The following EYS variants were observed in gnomAD, a reference collection of about 807,000 sequenced individuals.
EYS encodes EGF-like photoreceptor maintenance factor.
A neutral mutation model predicts 282.1 loss-of-function variants in EYS; 250 were observed. The observed-to-expected ratio is 0.89, with a 90% CI of 0.80 to 0.98. EYS has a LOEUF of 0.98. Among genes scored for constraint, EYS ranks in the 50% least tolerant of loss-of-function variants. EYS has a pLI of 0.00. For missense variants in EYS, 4,016 were observed against 3,709.0 expected, an observed-to-expected ratio of 1.08 and a Z score of -2.15; for synonymous variants, 1,355 against 1,282.9, an observed-to-expected ratio of 1.06 and a Z score of -1.20.
intron 12 of EYS, among the ~76,000 whole-genome samples, chr6:65,145,513 G>GA (rs369522895): frequency 2.9e-4 from 41 of 142,720 alleles, no homozygotes; most frequent in East Asian, 2.7e-3. Context: ...TATGTAAGAG[G>GA]AAAAAAAAAA....
chr6:64,809,981 G>A (rs1375526170), intron 22 of EYS, among the ~76,000 whole-genome samples: 1 of 151,928 alleles, frequency 6.6e-6, no homozygotes, highest in East Asian at 1.9e-4. Context: ...TGTTGAAAAT[G>A]TTGAAATTTT....
intron 11 of EYS, chr6:65,300,729 A>G (rs1768796493): frequency 6.6e-6 from 1 of 152,200 alleles, no homozygotes. Flanking sequence ...TTTGTTTAAG[A>G]ACTCTCTAAT....
At chr6:63,969,782 A>T (rs1766469208) in intron 35 of EYS, among the ~76,000 whole-genome samples, 2 of 152,244 alleles carry the variant, frequency 1.3e-5, no homozygotes, top group Non-Finnish European at 2.9e-5. Flanking sequence ...GTTCAAGATG[A>T]CAATGAGGAG....
chr6:65,152,039 C>T (rs1319428118), intron 12 of EYS, among the ~76,000 whole-genome samples: 1 of 151,894 alleles, frequency 6.6e-6, no homozygotes, highest in African/African-American at 2.4e-5. Flanking sequence ...ATATAAGATA[C>T]TTGTATTACT....
At position 65,666,824 on chromosome 6, in the gene EYS, A is replaced by T. The variant is rs1768216309; in HGVS notation, c.-447-26932T>A. 2.0e-5 allele frequency among the ~76,000 whole-genome samples: 3 copies of T among 151,400 alleles called. No homozygotes were observed. In the South Asian group the frequency reaches 6.2e-4, roughly 31 times the overall value. On this transcript the variant is annotated intron_variant, in intron 1 of 42. Coordinates refer to ENST00000503581, the MANE Select transcript of EYS (RefSeq NM_001142800.2). Reference sequence around the variant, plus strand: ...GTTCTTTATCTGTTATTTGTATTTCATTTTATTAAGCTAAGAAAGATTAAG... The same window carrying T: ...GTTCTTTATCTGTTATTTGTATTTCTTTTTATTAAGCTAAGAAAGATTAAG...
intron 22 of EYS, among the ~76,000 whole-genome samples, chr6:64,636,172 C>A (rs1466214881): frequency 6.6e-6 from 1 of 152,176 alleles, no homozygotes; most frequent in African/African-American, 2.4e-5. Flanking sequence ...AAGCATCACG[C>A]TACCTGACTT....
chr6:64,245,794 G>A (rs1766992575), intron 30 of EYS, among the ~76,000 whole-genome samples: 2 of 151,996 alleles, frequency 1.3e-5, no homozygotes, highest in Admixed American at 6.6e-5. Flanking sequence ...CATCTCTTGA[G>A]GAAAATTCCA....
intron 22 of EYS, among the ~76,000 whole-genome samples, chr6:64,775,741 T>G (rs1314144157): frequency 6.6e-6 from 1 of 152,140 alleles, no homozygotes; most frequent in African/African-American, 2.4e-5. Context: ...ATATCATTTT[T>G]GTTTTTATTT....
At chr6:63,801,122 T>C (rs994494508) in intron 37 of EYS, among the ~76,000 whole-genome samples, 1 of 152,110 alleles carries the variant, frequency 6.6e-6, no homozygotes, top group Non-Finnish European at 1.5e-5. Flanking sequence ...AGCTAAGAAA[T>C]GTTTGGACTT....
At chr6:65,569,753 A>T (rs1281661113) in intron 2 of EYS, among the ~76,000 whole-genome samples, 1 of 152,090 alleles carries the variant, frequency 6.6e-6, no homozygotes, top group Non-Finnish European at 1.5e-5. Flanking sequence ...CAACCCGACC[A>T]ATCAGCAATG....
At chr6:65,678,940 C>T (rs762601760) in intron 1 of EYS, among the ~76,000 whole-genome samples, 50 of 151,276 alleles carry the variant, frequency 3.3e-4, no homozygotes, top group Middle Eastern at 3.4e-3. Context: ...AGATGGCCGA[C>T]ATCAAAACAA....
At chr6:64,185,340 C>A (rs936136040) in intron 31 of EYS, among the ~76,000 whole-genome samples, 4 of 150,784 alleles carry the variant, frequency 2.7e-5, no homozygotes, top group Non-Finnish European at 5.9e-5. Context: ...AATAAAAAAG[C>A]TTTATCAGAA....
chr6:65,248,380 C>T (rs1264219453), intron 12 of EYS, among the ~76,000 whole-genome samples: 1 of 151,936 alleles, frequency 6.6e-6, no homozygotes, highest in East Asian at 1.9e-4. Context: ...GCAGACCTGT[C>T]AGGAAGAGGA....
At chr6:64,843,072 G>C (rs1357518539) in intron 19 of EYS, among the ~76,000 whole-genome samples, 2 of 152,168 alleles carry the variant, frequency 1.3e-5, no homozygotes, top group Admixed American at 1.3e-4. Flanking sequence ...CATGGGCTGG[G>C]CCCAGGGTCT....
chr6:65,499,327 G>C (rs977520823), intron 2 of EYS, among the ~76,000 whole-genome samples: 1 of 151,948 alleles, frequency 6.6e-6, no homozygotes, highest in African/African-American at 2.4e-5. Flanking sequence ...CATTATAATA[G>C]TTGGCATATA....
chr6:64,515,716 TA>T (rs1466102795), intron 26 of EYS, among the ~76,000 whole-genome samples: 1 of 151,630 alleles, frequency 6.6e-6, no homozygotes, highest in Non-Finnish European at 1.5e-5. Context: ...TGTTAATTAC[TA>T]AATTTCCACT....
chr6:65,381,418 T>G (rs912763991), intron 8 of EYS, among the ~76,000 whole-genome samples: 122 of 151,498 alleles, frequency 8.1e-4, no homozygotes, highest in African/African-American at 2.9e-3. Flanking sequence ...TTGAACAGTG[T>G]GAACACATGG....
chr6:65,175,994 A>G (rs1450143590), intron 12 of EYS, among the ~76,000 whole-genome samples: 2 of 151,558 alleles, frequency 1.3e-5, no homozygotes, highest in African/African-American at 2.4e-5. Flanking sequence ...TGATGTTTTG[A>G]TATATGTAAT....
At chr6:65,370,246 C>T (rs1582199202) in intron 8 of EYS, among the ~76,000 whole-genome samples, 3 of 142,662 alleles carry the variant, frequency 2.1e-5, no homozygotes, top group Non-Finnish European at 3.0e-5. Flanking sequence ...CTATTTCTTT[C>T]TTTCTCTCTC....
Sources: gnomAD v4.1 joint callset for allele counts (sites outside exome capture counted in the v4.1 genomes callset) on GRCh38, gnomAD v4.1.1 for gene constraint, MANE v1.5 for transcripts, NCBI Gene and HGNC (gene_info 2026-07-23, HGNC 2026-07-21) for gene names.